Variants in SNAP47 observed in about 807,000 individuals in gnomAD.
SNAP47 encodes synaptosomal-associated protein 47.
A neutral mutation model predicts 31.4 loss-of-function variants in SNAP47; 20 were observed. That is an observed-to-expected ratio of 0.64 (90% CI 0.45 to 0.93). The LOEUF is 0.93. Ranked by LOEUF, SNAP47 falls within the 40% of genes least tolerant of loss-of-function variation. The pLI is 0.00. For missense variants in SNAP47, 492 were observed against 528.5 expected, an observed-to-expected ratio of 0.93 and a Z score of 0.68; for synonymous variants, 194 against 213.4, an observed-to-expected ratio of 0.91 and a Z score of 0.79.
chr1:227,769,972 C>T (rs1260794827), intron 4 of SNAP47, among the ~76,000 whole-genome samples: 1 of 152,132 alleles, frequency 6.6e-6, no homozygotes, highest in Non-Finnish European at 1.5e-5. Context: ...CACTCAGTGT[C>T]GACAGACACT....
upstream of SNAP47, chr1:227,735,322 G>A (rs1316975756): frequency 3.7e-6 from 6 of 1,601,686 alleles, no homozygotes; most frequent in African/African-American, 6.7e-5. Context: ...CCGCCGGAGC[G>A]GAAACGGTGA....
chr1:227,768,241 C>T, intron 4 of SNAP47: 1 of 983,410 alleles, frequency 1.0e-6, no homozygotes, highest in African/African-American at 1.7e-5. Context: ...TCTCGTCTTC[C>T]CCTACAGTTG....
rs200446429 is a variant in SNAP47 at position 227,748,088 on chromosome 1, C to G, written c.352C>G (p.Arg118Gly). Reference sequence around the variant, plus strand: ...GGCAGACGCATCTGTCCCAAGGACCCGGGGCGAGGAGCTGACGGGACTCAT... The same window carrying G: ...GGCAGACGCATCTGTCCCAAGGACCGGGGGCGAGGAGCTGACGGGACTCAT... Reference protein sequence around the residue: ...AVADASVPRTRGEELTGLMAG... With the variant: ...AVADASVPRTGGEELTGLMAG... Residue 118 changes from arginine to glycine, a missense_variant, in exon 2 of 5, where the codon CGG becomes GGG. Coordinates refer to ENST00000617596, the MANE Select transcript of SNAP47 (RefSeq NM_053052.4). The G allele has an allele frequency of 6.2e-7, 1 of 1,614,078 alleles. No homozygotes were observed. Among genetic ancestry groups the G allele is most frequent in the Non-Finnish European group, 8.5e-7 (1 of 1,180,030 alleles).
chr1:227,747,884 C>G lies in SNAP47; in HGVS notation c.148C>G (p.Leu50Val). ...TGGAGAGATTCTGGTCAGCTTCCCC[C>G]TCTCCAGCATAGTTGAGATCAAGAA... ...STGEILVSFP[L>V]SSIVEIKKEA... Residue 50 changes from leucine (L) to valine (V), a missense_variant, in exon 2 of 5, where the codon CTC (leucine) becomes GTC (valine). Transcript: ENST00000617596. The G allele has an allele frequency of 1.2e-6, 2 of 1,614,208 alleles. No individual in the cohort carries two copies. Among genetic ancestry groups the G allele is most frequent in the African/African-American group, 1.3e-5 (1 of 75,054 alleles).
chr1:227,734,513 T>C (rs1660927850), upstream of SNAP47: 1 of 726,836 alleles, frequency 1.4e-6, no homozygotes, highest in African/African-American at 1.8e-5. Flanking sequence ...ACAATCCAGT[T>C]TCTTTTAAAC....
At chr1:227,769,493 C>T (rs966589327) in intron 4 of SNAP47, among the ~76,000 whole-genome samples, 20 of 152,126 alleles carry the variant, frequency 1.3e-4, no homozygotes, top group Non-Finnish European at 2.2e-4. Flanking sequence ...AGTTACATTT[C>T]TGGGGAAAAT....
At chr1:227,734,767 C>T, upstream of SNAP47, 1 of 1,614,140 alleles carries the variant, frequency 6.2e-7, no homozygotes, top group Non-Finnish European at 8.5e-7. Context: ...CTTTGGGGTT[C>T]GAGTTGTATT....
chr1:227,754,646 A>G (rs1302818211), intron 2 of SNAP47, among the ~76,000 whole-genome samples: 1 of 152,114 alleles, frequency 6.6e-6, no homozygotes, highest in African/African-American at 2.4e-5. Flanking sequence ...GTGTGCACCC[A>G]TGTCATTGTG....
chr1:227,763,113 T>C lies in SNAP47; in HGVS notation c.988+3628T>C, dbSNP rs1232674083. ...CTGGGACTATAGGCACATATCACCA[T>C]GCCCAGCTAATTTTTTTTTTTTTTA... On this transcript the variant is annotated intron_variant, in intron 3 of 4. Coordinates refer to ENST00000617596, the MANE Select transcript of SNAP47 (RefSeq NM_053052.4). The surrounding 1 kb of genome is among the most constrained non-coding windows in gnomAD (Gnocchi z 4.2). Among the ~76,000 whole-genome samples the C allele has an allele frequency of 6.6e-6, 1 of 152,012 alleles. No homozygotes were observed. Among genetic ancestry groups the C allele is most frequent in the Non-Finnish European group, 1.5e-5 (1 of 67,992 alleles).
intron 3 of SNAP47, among the ~76,000 whole-genome samples, chr1:227,760,327 C>G (rs1044723999): frequency 1.3e-5 from 2 of 152,190 alleles, no homozygotes; most frequent in Admixed American, 6.5e-5. Context: ...TCTTGTTTCC[C>G]TGGGCATTTA....
intron 1 of SNAP47, among the ~76,000 whole-genome samples, chr1:227,738,999 A>G (rs1476292558): frequency 6.6e-6 from 1 of 152,142 alleles, no homozygotes; most frequent in Admixed American, 6.5e-5. Context: ...CCCTCGGGTC[A>G]GTGTCACCAC....
intron 4 of SNAP47, chr1:227,776,377 G>A: frequency 2.0e-6 from 2 of 987,032 alleles, no homozygotes; most frequent in Non-Finnish European, 1.2e-6. Context: ...GGTAGTTTCT[G>A]TGGAGGTCGA....
chr1:227,733,983 C>A (rs763914988), upstream of SNAP47: 3 of 1,613,932 alleles, frequency 1.9e-6, no homozygotes, highest in Non-Finnish European at 1.7e-6. Context: ...TTCAGCCAGT[C>A]GGACGAGAAG....
chr1:227,777,039 C>T, intron 4 of SNAP47: 4 of 985,182 alleles, frequency 4.1e-6, no homozygotes, highest in Non-Finnish European at 4.8e-6. Flanking sequence ...AAACCCTAAA[C>T]TATAGAAATT....
At chr1:227,773,652 T>C (rs930414109) in intron 4 of SNAP47, among the ~76,000 whole-genome samples, 1 of 152,246 alleles carries the variant, frequency 6.6e-6, no homozygotes, top group Admixed American at 6.5e-5. Flanking sequence ...CGTATCTTTA[T>C]GCTGCACATT....
Position 227,763,370 on chromosome 1 carries a change from C to G in SNAP47, c.989-3589C>G, listed in dbSNP as rs932943333. 6.6e-6 allele frequency among the ~76,000 whole-genome samples: 1 copy of G among 152,240 alleles called. No homozygotes were observed. The highest frequency in any genetic ancestry group is 2.4e-5 in the African/African-American group (1 of 41,466). On this transcript the variant is annotated intron_variant, in intron 3 of 4. Coordinates refer to ENST00000617596, the MANE Select transcript of SNAP47 (RefSeq NM_053052.4). The surrounding 1 kb of genome is among the most constrained non-coding windows in gnomAD (Gnocchi z 4.2). ...CTCCCTGATGACAGCCTTGCCTGTACCTCTGCTTCCCCGGGCCGTGTGTCT... is the reference window on the plus strand; with the variant it reads ...CTCCCTGATGACAGCCTTGCCTGTAGCTCTGCTTCCCCGGGCCGTGTGTCT...
At position 227,729,833 on chromosome 1, in the gene SNAP47, G is replaced by T. The variant is rs138751620; in HGVS notation, c.-95+1047G>T. On this transcript the variant is annotated intron_variant, in intron 1 of 3. Coordinates refer to the SNAP47 transcript ENST00000366760. The stretch of plus-strand genomic sequence containing the variant: ...CAGGCACGTGCTGGAGGAGCCCCTA[G>T]GCCCCATCATGTTCCCTCACTCTGT... Among the ~76,000 whole-genome samples the T allele has an allele frequency of 4.4e-3, 676 of 152,276 alleles. 5 individuals carry two copies. Among genetic ancestry groups the T allele is most frequent in the African/African-American group, 0.016 (653 of 41,568 alleles).
upstream of SNAP47, chr1:227,733,347 G>A: frequency 6.7e-7 from 1 of 1,490,440 alleles, no homozygotes. Flanking sequence ...TGGGAGAGTG[G>A]GGAGGTGGTG....
chr1:227,735,534 C>G (rs1661069809), intron 1 of SNAP47, 35 bp downstream of exon 1: 1 of 1,363,554 alleles, frequency 7.3e-7, no homozygotes, highest in Admixed American at 3.8e-5. Context: ...GGCGCCCGGC[C>G]CAAGCCAAGC....
Sources: gnomAD v4.1 joint callset for allele counts (sites outside exome capture counted in the v4.1 genomes callset) on GRCh38, gnomAD v4.1.1 for gene constraint, Gnocchi (gnomAD v3.1) non-coding constraint, MANE v1.5 for transcripts, NCBI Gene and HGNC (gene_info 2026-07-23, HGNC 2026-07-21) for gene names.